Variants in TIGAR observed in about 807,000 individuals in gnomAD.
The protein encoded by TIGAR is fructose-2,6-bisphosphatase TIGAR.
Under a neutral mutation model 17.9 loss-of-function variants are expected in TIGAR, and 7 were observed. That is an observed-to-expected ratio of 0.39 (90% CI 0.22 to 0.73). TIGAR has a LOEUF of 0.73. TIGAR is among the 30% of genes least tolerant of loss of function. The pLI is 0.42. For synonymous variants in TIGAR, 94 were observed against 108.6 expected (o/e 0.87, Z 0.84); for missense variants, 258 against 327.4 (o/e 0.79, Z 1.64).
At chr12:4,336,476 A>G in intron 2 of TIGAR, among the ~76,000 whole-genome samples, 1 of 150,884 alleles carries the variant, frequency 6.6e-6, no homozygotes, top group Admixed American at 6.6e-5. Flanking sequence ...ACACACACAC[A>G]CACACACACA....
intron 3 of TIGAR, among the ~76,000 whole-genome samples, chr12:4,338,124 C>G (rs1262259965): frequency 7.9e-6 from 1 of 125,886 alleles, no homozygotes. Flanking sequence ...AGACTCTTGT[C>G]TCGAAAATAA....
At position 4,356,399 on chromosome 12, in the gene TIGAR, T is replaced by G. The variant is rs1006434343; in HGVS notation, c.*3708T>G. Among the ~76,000 whole-genome samples the G allele has an allele frequency of 1.3e-5, 2 of 152,242 alleles. No homozygotes were observed. Among genetic ancestry groups the G allele is most frequent in the African/African-American group, 4.8e-5 (2 of 41,460 alleles). On this transcript the variant is annotated 3_prime_UTR_variant, in exon 6 of 6. Coordinates refer to ENST00000179259, the MANE Select transcript of TIGAR (RefSeq NM_020375.3). Reference sequence around the variant, plus strand: ...CGGTTTTTGATTGTTTTTTAACAAATGAATTTTTTAAGAGACTTAATTTTT... The same window carrying G: ...CGGTTTTTGATTGTTTTTTAACAAAGGAATTTTTTAAGAGACTTAATTTTT...
rs1864897788 is a variant in TIGAR at position 4,356,082 on chromosome 12, T to C, written c.*3391T>C. On this transcript the variant is annotated 3_prime_UTR_variant, in exon 6 of 6. Coordinates refer to ENST00000179259, the MANE Select transcript of TIGAR (RefSeq NM_020375.3). ...GGGCAGTGATGTGATCAGACTTGTT[T>C]CAGCAGGACCATCCTGCTTGCAATG... Among the ~76,000 whole-genome samples the C allele has an allele frequency of 6.6e-6, 1 of 152,210 alleles. No individual in the cohort carries two copies. The highest frequency in any genetic ancestry group is 1.5e-5 in the Non-Finnish European group (1 of 68,030).
intron 3 of TIGAR, among the ~76,000 whole-genome samples, chr12:4,344,486 G>A (rs1864758940): frequency 1.3e-5 from 2 of 152,128 alleles, no homozygotes; most frequent in Admixed American, 6.5e-5. Context: ...ATAAAATACT[G>A]GCAAACCGAA....
chr12:4,350,196 T>G (rs67361816), intron 4 of TIGAR, among the ~76,000 whole-genome samples: 18,256 of 152,282 alleles, frequency 0.12, 1,241 homozygotes, highest in South Asian at 0.22. Flanking sequence ...TTATGTAACC[T>G]AGCTACGCTG....
At chr12:4,325,357 T>C (rs1212411470) in intron 1 of TIGAR, among the ~76,000 whole-genome samples, 1 of 152,234 alleles carries the variant, frequency 6.6e-6, no homozygotes, top group African/African-American at 2.4e-5. Context: ...AGCAAAATAC[T>C]ATTAGCTCAT....
rs1591668547 is a variant in TIGAR at position 4,357,822 on chromosome 12, G to A, written c.*5131G>A. ...TTTGTGACCAAGCAATCGCTGAGGT[G>A]GCTGGGCGTGGTGGCTCGCACCTGT... On this transcript the variant is annotated 3_prime_UTR_variant, in exon 6 of 6. Coordinates refer to ENST00000179259, the MANE Select transcript of TIGAR (RefSeq NM_020375.3). Among the ~76,000 whole-genome samples the A allele has an allele frequency of 6.6e-6, 1 of 152,210 alleles. No homozygotes were observed. The highest frequency in any genetic ancestry group is 1.9e-4 in the East Asian group (1 of 5,200).
At chr12:4,323,816 C>G (rs1306833283) in intron 1 of TIGAR, among the ~76,000 whole-genome samples, 2 of 152,168 alleles carry the variant, frequency 1.3e-5, no homozygotes, top group East Asian at 3.8e-4. Flanking sequence ...AGGGCTGGTT[C>G]AATGCTTTCC....
Position 4,354,342 on chromosome 12 carries a change from T to G in TIGAR, c.*1651T>G, listed in dbSNP as rs1565451973. On this transcript the variant is annotated 3_prime_UTR_variant, in exon 6 of 6. Coordinates refer to ENST00000179259, the MANE Select transcript of TIGAR (RefSeq NM_020375.3). ...ATAATTATCTCCATTCCCACCATAC[T>G]GAAGTCATCTTTCCACTTTTTTTTT... 1 of 152,108 alleles carries G rather than the reference T, an allele frequency of 6.6e-6. No homozygotes were observed. Among genetic ancestry groups the G allele is most frequent in the East Asian group, 1.9e-4 (1 of 5,202 alleles). 9.4% of individuals were successfully genotyped at this position (152,108 alleles called of 1,614,324 possible). A position where few individuals can be genotyped will look rare whatever the true frequency, so the allele number is the denominator to read the frequency against.
chr12:4,336,051 C>G (rs955969677), intron 2 of TIGAR, among the ~76,000 whole-genome samples: 3 of 152,154 alleles, frequency 2.0e-5, no homozygotes, highest in Admixed American at 6.6e-5. Flanking sequence ...ATTTCAATGT[C>G]TGAAGTCTTG....
At chr12:4,339,628 T>G (rs151287765) in intron 3 of TIGAR, among the ~76,000 whole-genome samples, 1 of 152,178 alleles carries the variant, frequency 6.6e-6, no homozygotes, top group Non-Finnish European at 1.5e-5. Flanking sequence ...CTGATGAAGA[T>G]TGACACAAAA....
At chr12:4,341,180 A>G (rs547271562) in intron 3 of TIGAR, among the ~76,000 whole-genome samples, 49 of 152,340 alleles carry the variant, frequency 3.2e-4, no homozygotes, top group African/African-American at 1.1e-3. Flanking sequence ...AAGGAGCTCA[A>G]ACAACTTTAT....
chr12:4,339,628 T>C (rs151287765), intron 3 of TIGAR, among the ~76,000 whole-genome samples: 1 of 152,294 alleles, frequency 6.6e-6, no homozygotes, highest in African/African-American at 2.4e-5. Flanking sequence ...CTGATGAAGA[T>C]TGACACAAAA....
At chr12:4,344,164 A>G (rs1006434836) in intron 3 of TIGAR, among the ~76,000 whole-genome samples, 2 of 152,234 alleles carry the variant, frequency 1.3e-5, no homozygotes, top group Non-Finnish European at 1.5e-5. Context: ...ACACCCTCCC[A>G]AGACTAAAAC....
At chr12:4,325,741 CAA>C (rs11447841) in intron 1 of TIGAR, among the ~76,000 whole-genome samples, 99 of 111,804 alleles carry the variant, frequency 8.9e-4, no homozygotes, top group East Asian at 3.8e-3. Flanking sequence ...AAACTCGTCT[CAA>C]AAAAAAAAAA....
chr12:4,347,368 TAGAG>T (rs1442920509), intron 3 of TIGAR, among the ~76,000 whole-genome samples: 2 of 151,974 alleles, frequency 1.3e-5, no homozygotes, highest in Non-Finnish European at 2.9e-5. Flanking sequence ...CTCATGGAGA[TAGAG>T]AGTAGAAGGA....
At chr12:4,344,663 C>T (rs994163885) in intron 3 of TIGAR, among the ~76,000 whole-genome samples, 3 of 152,126 alleles carry the variant, frequency 2.0e-5, no homozygotes, top group Non-Finnish European at 4.4e-5. Context: ...AGGCCTTTGA[C>T]AAAATTCAAC....
intron 2 of TIGAR, among the ~76,000 whole-genome samples, chr12:4,332,278 T>C (rs565126416): frequency 3.0e-5 from 4 of 133,542 alleles, no homozygotes; most frequent in Admixed American, 9.0e-5. Context: ...GGTCTCACTG[T>C]GCCGCCCAAC....
At chr12:4,335,784 T>C (rs1236665199) in intron 2 of TIGAR, 2 of 152,272 alleles carry the variant, frequency 1.3e-5, no homozygotes, top group African/African-American at 4.8e-5. Flanking sequence ...ATGCTCTATC[T>C]CCTTGTATCT....
Sources: allele counts gnomAD v4.1 joint callset (sites outside exome capture counted in the v4.1 genomes callset), GRCh38; gene constraint gnomAD v4.1.1; transcripts MANE v1.5; gene names NCBI Gene and HGNC (gene_info 2026-07-23, HGNC 2026-07-21).